C18orf54: variants seen among roughly 807,000 people sequenced by gnomAD.
The protein encoded by C18orf54 is chromosome 18 open reading frame 54, also known as lung adenoma susceptibility protein 2.
Under a neutral mutation model 49.3 loss-of-function variants are expected in C18orf54, and 49 were observed. The ratio of observed to expected loss-of-function variants is 0.99; its 90% CI spans 0.79 to 1.26. C18orf54 has a LOEUF of 1.26. C18orf54 is among the 50% of genes most tolerant of loss of function. C18orf54 has a pLI of 0.00. For synonymous variants in C18orf54, 211 were observed against 216.6 expected (o/e 0.97, Z 0.23); for missense variants, 687 against 620.6 (o/e 1.11, Z -1.14).
chr18:54,362,063 A>G lies in C18orf54; in HGVS notation c.704A>G (p.Lys235Arg). ...FKDSSEHSLEKNYPRWLTSQK... is the reference protein window; with the variant it reads ...FKDSSEHSLERNYPRWLTSQK... Reference sequence around the variant, plus strand: ...GACAGTTCAGAACACAGTCTTGAAAAGAATTACCCAAGATGGCTCACTAGC... The same window carrying G: ...GACAGTTCAGAACACAGTCTTGAAAGGAATTACCCAAGATGGCTCACTAGC... Residue 235 changes from lysine to arginine, a missense_variant, in exon 4 of 9, where the codon AAG becomes AGG. Lys to Arg is a conservative substitution (Grantham distance 26). Transcript: ENST00000620105. 1 of 1,552,916 alleles carries G rather than the reference A, an allele frequency of 6.4e-7. No homozygotes were observed.
intron 5 of C18orf54, among the ~76,000 whole-genome samples, chr18:54,363,535 C>A (rs1177681467): frequency 2.0e-5 from 3 of 152,104 alleles, no homozygotes; most frequent in Non-Finnish European, 2.9e-5. Flanking sequence ...CCAGGCTGGT[C>A]TCTAACTCCT....
rs770063306 is a variant in C18orf54 at position 54,361,882 on chromosome 18, A to G, written c.523A>G (p.Thr175Ala). Reference protein sequence around the residue: ...EKNPHFQGPYTSMGKDNFVTP... With the variant: ...EKNPHFQGPYASMGKDNFVTP... The stretch of plus-strand genomic sequence containing the variant: ...GAATCCACATTTTCAAGGACCCTAC[A>G]CTTCCATGGGCAAGGATAACTTTGT... Residue 175 changes from threonine to alanine, a missense_variant, in exon 4 of 9, where the codon ACT becomes GCT. By Grantham distance (58) the Thr-to-Ala change is moderately conservative. Transcript: ENST00000620105. 4.3e-6 allele frequency: 7 copies of G among 1,614,012 alleles called. No individual in the cohort carries two copies. In the African/African-American group the frequency reaches 5.3e-5, roughly 12 times the overall value.
At chr18:54,363,413 G>A (rs1275691206) in intron 5 of C18orf54, among the ~76,000 whole-genome samples, 1 of 152,100 alleles carries the variant, frequency 6.6e-6, no homozygotes, top group East Asian at 1.9e-4. Flanking sequence ...CGCCTCCTGG[G>A]TTCAAGCCAT....
At position 54,375,970 on chromosome 18, in the gene C18orf54, A is replaced by T. The variant is rs145708755; in HGVS notation, c.1529+1686A>T. On this transcript the variant is annotated intron_variant, in intron 8 of 8. Transcript: ENST00000620105. ...AATTTAAATTTAATTACATCTCAGAATTCCTTTTTCCAGGCGGCAAAATAT... is the reference window on the plus strand; with the variant it reads ...AATTTAAATTTAATTACATCTCAGATTTCCTTTTTCCAGGCGGCAAAATAT... 4.2e-3 allele frequency among the ~76,000 whole-genome samples: 636 copies of T among 152,296 alleles called. 10 individuals carry two copies. The highest frequency in any genetic ancestry group is 0.015 in the African/African-American group (620 of 41,564).
rs2089397496 is a variant in C18orf54 at position 54,366,877 on chromosome 18, G to A, written c.1326+1056G>A. On this transcript the variant is annotated intron_variant, in intron 6 of 8. Transcript: ENST00000620105. Reference sequence around the variant, plus strand: ...ATTCCACAAGTGATTATTTCTTAAGGGTAAGTTGTAATGTGAAATCTTAAA... The same window carrying A: ...ATTCCACAAGTGATTATTTCTTAAGAGTAAGTTGTAATGTGAAATCTTAAA... Among the ~76,000 whole-genome samples the A allele has an allele frequency of 2.6e-5, 4 of 151,884 alleles. 1 individual carries two copies. The South Asian group carries it at 8.3e-4, about 31-fold the overall frequency.
In C18orf54 at chr18:54,374,268, A is replaced by G; in HGVS notation, c.1513A>G (p.Thr505Ala). 6.3e-7 allele frequency: 1 copy of G among 1,584,084 alleles called. No homozygotes were observed. The highest frequency in any genetic ancestry group is 8.6e-7 in the Non-Finnish European group (1 of 1,164,520). The change falls in exon 8 of 9, where the codon ACT (threonine) becomes GCT (alanine). Residue 505 changes from threonine to alanine, a missense_variant. Transcript: ENST00000620105. ...LQLKESMIPI[T>A]RSLQKALHHL... ...GTTGAAGGAAAGTATGATTCCTATT[A>G]CTAGGTCACTTCAGAAGTAAGTATT... is the stretch of plus-strand genomic sequence containing the variant.
chr18:54,365,894 A>G, intron 6 of C18orf54, 73 bp downstream of exon 6: 3 of 834,636 alleles, frequency 3.6e-6, no homozygotes, highest in Non-Finnish European at 5.2e-6. Context: ...TTTTTAAGTT[A>G]CTTAGATAAT....
intron 5 of C18orf54, among the ~76,000 whole-genome samples, chr18:54,364,607 C>T (rs1055000856): frequency 6.6e-6 from 1 of 152,010 alleles, no homozygotes; most frequent in African/African-American, 2.4e-5. Context: ...TAGAGCAAAA[C>T]CACAATCAGA....
rs142967718 is a variant in C18orf54, at chr18:54,376,359, C to T, written c.1530-1815C>T. 5.0e-3 allele frequency among the ~76,000 whole-genome samples: 761 copies of T among 152,022 alleles called. 14 individuals are homozygous for T. The highest frequency in any genetic ancestry group is 4.0e-3 in the Non-Finnish European group (272 of 67,958). On this transcript the variant is annotated intron_variant, in intron 8 of 8. Transcript: ENST00000620105. ...GATTACAGGTGCATGCCACCATGCC[C>T]GGCTAATTTTTGTATTTTTAGTAGA... is the stretch of plus-strand genomic sequence containing the variant.
chr18:54,371,217 A>C (rs2089481342), intron 6 of C18orf54, among the ~76,000 whole-genome samples: 1 of 151,980 alleles, frequency 6.6e-6, no homozygotes, highest in Admixed American at 6.6e-5. Flanking sequence ...TTACTATAGG[A>C]ACCTCGTGTA....
At chr18:54,371,514 A>G (rs2089486129) in intron 6 of C18orf54, among the ~76,000 whole-genome samples, 1 of 152,120 alleles carries the variant, frequency 6.6e-6, no homozygotes, top group Admixed American at 6.5e-5. Context: ...CCTAAGAGGG[A>G]AATTGCAGGA....
At chr18:54,368,098 CA>C (rs1376346303) in intron 6 of C18orf54, among the ~76,000 whole-genome samples, 1 of 151,736 alleles carries the variant, frequency 6.6e-6, no homozygotes, top group Admixed American at 6.6e-5. Context: ...CTGATTTGGT[CA>C]AATTATCTGT....
chr18:54,368,473 G>A (rs1417221032), intron 6 of C18orf54, among the ~76,000 whole-genome samples: 1 of 151,914 alleles, frequency 6.6e-6, no homozygotes, highest in African/African-American at 2.4e-5. Flanking sequence ...TGCATTTTTG[G>A]CAAAAATACT....
intron 3 of C18orf54, among the ~76,000 whole-genome samples, 177 bp from the exon 4 acceptor site, chr18:54,361,466 G>A (rs998744317): frequency 5.3e-5 from 8 of 152,030 alleles, no homozygotes; most frequent in African/African-American, 1.7e-4. Flanking sequence ...ACGAAGAATC[G>A]TGAGAAAAAA....
At chr18:54,376,802 G>A (rs1361490766) in intron 8 of C18orf54, among the ~76,000 whole-genome samples, 3 of 152,168 alleles carry the variant, frequency 2.0e-5, no homozygotes, top group East Asian at 1.9e-4. Context: ...TCCAAGAAGT[G>A]TATAGTACAG....
chr18:54,364,493 T>C (rs7230556), intron 5 of C18orf54, among the ~76,000 whole-genome samples: 111,263 of 151,910 alleles, frequency 0.73, 41,177 homozygotes, highest in African/African-American at 0.84. Flanking sequence ...TAAGGGTGAA[T>C]TGCTGAGAAG....
At position 54,374,218 on chromosome 18, in the gene C18orf54, C is replaced by T. The variant is rs144734544; in HGVS notation, c.1463C>T (p.Ser488Leu). Reference protein sequence around the residue: ...TDPKEEIKQVSEDDFSKLQLK... With the variant: ...TDPKEEIKQVLEDDFSKLQLK... ...ATTTGGTGTTTTTAATAATAGGTTT[C>T]AGAAGATGATTTCTCTAAATTACAG... The change falls in exon 8 of 9, where the codon TCA becomes TTA. Residue 488 changes from serine to leucine, a missense_variant. Physicochemically the swap from Ser to Leu is moderately radical, Grantham distance 145. Coordinates refer to ENST00000620105, the MANE Select transcript of C18orf54 (RefSeq NM_001288980.2). 1 of 1,572,972 alleles carries T rather than the reference C, an allele frequency of 6.4e-7. No individual in the cohort carries two copies. Among genetic ancestry groups the T allele is most frequent in the Non-Finnish European group, 8.6e-7 (1 of 1,158,474 alleles).
chr18:54,360,835 A>G lies in C18orf54; in HGVS notation c.263A>G (p.Tyr88Cys), dbSNP rs564302523. 25 of 1,612,072 alleles carry G rather than the reference A, an allele frequency of 1.6e-5. No individual in the cohort carries two copies. The highest frequency in any genetic ancestry group is 1.2e-4 in the South Asian group (11 of 91,036). The change falls in exon 3 of 9, where the codon TAT becomes TGT. Residue 88 changes from tyrosine (Y) to cysteine (C), a missense_variant. By Grantham distance (194) the Tyr-to-Cys change is radical. Coordinates refer to ENST00000620105, the MANE Select transcript of C18orf54 (RefSeq NM_001288980.2). ...ACTAATATGTCACAGTTCTGCAACT[A>G]TATTTACAAACCAAACAATGGTATG... ...DFTNMSQFCN[Y>C]IYKPNNAFEN...
Position 54,361,803 on chromosome 18 carries a change from G to C in C18orf54, c.444G>C (p.Thr148=). 6.2e-7 allele frequency: 1 copy of C among 1,613,874 alleles called. No homozygotes were observed. Among genetic ancestry groups the C allele is most frequent in the Non-Finnish European group, 8.5e-7 (1 of 1,179,914 alleles). ...SYTYVGPSHR[T]SKKNKKCRGR... ...CTTATGTTGGACCGAGTCACCGAAC[G>C]AGCAAGAAAAACAAGAAATGCCGTG... Residue 148 remains threonine (T), a synonymous_variant, in exon 4 of 9, where the codon ACG becomes ACC. Transcript: ENST00000620105.
Sources: gnomAD v4.1 joint callset for allele counts (sites outside exome capture counted in the v4.1 genomes callset) on GRCh38, gnomAD v4.1.1 for gene constraint, MANE v1.5 for transcripts, NCBI Gene and HGNC (gene_info 2026-07-23, HGNC 2026-07-21) for gene names.